CKAP5: variants seen among roughly 807,000 people sequenced by gnomAD.
The protein encoded by CKAP5 is cytoskeleton-associated protein 5.
In CKAP5, 27 loss-of-function variants were observed where a neutral mutation model predicts 232.8. That is an observed-to-expected ratio of 0.12 (90% confidence interval 0.09 to 0.16). The LOEUF is 0.16. Ranked by LOEUF, CKAP5 falls within the 10% of genes least tolerant of loss-of-function variation. The probability of loss-of-function intolerance (pLI) is 1.00; values close to 1 mark genes in which losing one functional copy is unlikely to be tolerated. For synonymous variants in CKAP5, 785 were observed against 841.1 expected, an observed-to-expected ratio of 0.93 and a Z score of 1.16; for missense variants, 1,838 against 2,424.7, an observed-to-expected ratio of 0.76 and a Z score of 5.08.
At chr11:46,782,510 A>G (rs1380247225) in intron 18 of CKAP5, among the ~76,000 whole-genome samples, 1 of 152,160 alleles carries the variant, frequency 6.6e-6, no homozygotes, top group African/African-American at 2.4e-5. Flanking sequence ...GTGTTTTTTC[A>G]ATCAGTAGAA....
At chr11:46,834,942 C>T (rs2134714279) in intron 1 of CKAP5, among the ~76,000 whole-genome samples, 1 of 151,462 alleles carries the variant, frequency 6.6e-6, no homozygotes, top group South Asian at 2.1e-4. Context: ...AGTAGCTGGG[C>T]CACAGGCATG....
At chr11:46,782,967 C>A (rs981767918) in intron 18 of CKAP5, among the ~76,000 whole-genome samples, 3 of 152,108 alleles carry the variant, frequency 2.0e-5, no homozygotes, top group African/African-American at 7.2e-5. Flanking sequence ...GGTCTTTAAA[C>A]AAATGTAATT....
In CKAP5 at chr11:46,809,500, C is replaced by T. The variant is rs200668108; in HGVS notation, c.764G>A (p.Gly255Asp). The T allele has an allele frequency of 1.7e-4, 280 of 1,603,622 alleles. No homozygotes were observed. The highest frequency in any genetic ancestry group is 6.0e-4 in the South Asian group (54 of 89,768). The change falls in exon 7 of 44, where the codon GGT becomes GAT. Residue 255 changes from glycine (G) to aspartate (D), a missense_variant and splice_region_variant. Around this residue, in one of 6 missense-constraint regions of CKAP5, gnomAD observed 285 missense variants for 300.0 expected, o/e 0.95. Coordinates refer to ENST00000529230, the MANE Select transcript of CKAP5 (RefSeq NM_001008938.4). ...TGGCACCTCATCACCATCATCACCA[C>T]CTTTAAGGAGAAAAACAACACAAAC... ...QQSAGGDAEG[G>D]GDDGDEVPQI...
intron 4 of CKAP5, among the ~76,000 whole-genome samples, chr11:46,811,669 G>A (rs935738509): frequency 3.3e-5 from 5 of 152,128 alleles, no homozygotes; most frequent in Admixed American, 6.5e-5. Flanking sequence ...TAGAGATGGG[G>A]TTTCACTATG....
chr11:46,774,390 T>C (rs2065274430), intron 24 of CKAP5, among the ~76,000 whole-genome samples: 1 of 152,174 alleles, frequency 6.6e-6, no homozygotes, highest in Non-Finnish European at 1.5e-5. Flanking sequence ...GAAGAATCAA[T>C]ATCATGAAAA....
chr11:46,795,828 C>A (rs1938859267), intron 12 of CKAP5, 52 bp from the exon 13 acceptor site: 1 of 1,438,036 alleles, frequency 7.0e-7, no homozygotes, highest in South Asian at 1.2e-5. Flanking sequence ...TGAAACACAA[C>A]CACTACGTTA....
At chr11:46,817,218 G>A (rs1242259604) in intron 3 of CKAP5, among the ~76,000 whole-genome samples, 2 of 152,044 alleles carry the variant, frequency 1.3e-5, no homozygotes, top group Non-Finnish European at 2.9e-5. Flanking sequence ...GGGCTCAAGC[G>A]ATCTTCCTGC....
intron 1 of CKAP5, among the ~76,000 whole-genome samples, chr11:46,822,985 C>A (rs1206516769): frequency 6.6e-6 from 1 of 151,794 alleles, no homozygotes; most frequent in Admixed American, 6.6e-5. Context: ...TTTGAGACAG[C>A]GTCTTGCTCT....
intron 5 of CKAP5, 67 bp from the exon 6 acceptor site, chr11:46,809,941 T>C (rs1440992004): frequency 6.9e-7 from 1 of 1,455,344 alleles, no homozygotes; most frequent in Non-Finnish European, 9.4e-7. Flanking sequence ...ACTTAATACT[T>C]ACATTTATTG....
intron 33 of CKAP5, chr11:46,760,237 C>T: frequency 9.0e-6 from 3 of 334,200 alleles, no homozygotes; most frequent in Non-Finnish European, 1.2e-5. Flanking sequence ...TTATGGACAC[C>T]CTCTACCCTG....
intron 8 of CKAP5, among the ~76,000 whole-genome samples, chr11:46,805,333 A>G (rs1398720510): frequency 6.6e-6 from 1 of 152,220 alleles, no homozygotes; most frequent in Non-Finnish European, 1.5e-5. Context: ...TGACAACTCA[A>G]AACAGTTTAA....
In CKAP5 at chr11:46,816,260, G is replaced by C. The variant is rs1207001286; in HGVS notation, c.396C>G (p.Gly132=). The C allele has an allele frequency of 1.2e-5, 20 of 1,614,030 alleles. No individual in the cohort carries two copies. Among genetic ancestry groups the C allele is most frequent in the Non-Finnish European group, 1.6e-5 (19 of 1,180,034 alleles). The change falls in exon 4 of 44, where the codon GGC becomes GGG. Residue 132 remains glycine, a synonymous_variant. Transcript: ENST00000529230. ...GEAVQEELLK[G]LDNKNPKIIV... ...TGATCTTGGGATTCTTATTGTCCAA[G>C]CCTTTCAGGAGCTCTTCTTGAACAG... is the stretch of plus-strand genomic sequence containing the variant.
At chr11:46,785,991 T>A (rs2134631804) in intron 16 of CKAP5, among the ~76,000 whole-genome samples, 1 of 151,760 alleles carries the variant, frequency 6.6e-6, no homozygotes, top group East Asian at 1.9e-4. Flanking sequence ...AAAATAAAAA[T>A]TTAAAAAATT....
chr11:46,822,255 T>C (rs1161616196), intron 1 of CKAP5, among the ~76,000 whole-genome samples: 1 of 152,100 alleles, frequency 6.6e-6, no homozygotes, highest in Non-Finnish European at 1.5e-5. Flanking sequence ...CACTCCAGCA[T>C]GGGCAACAGA....
intron 9 of CKAP5, among the ~76,000 whole-genome samples, chr11:46,800,845 T>C (rs1301271766): frequency 6.6e-6 from 1 of 152,216 alleles, no homozygotes; most frequent in Non-Finnish European, 1.5e-5. Flanking sequence ...CTCATTTTCA[T>C]TCTGGTCCTG....
chr11:46,842,912 A>G (rs1244882972), intron 1 of CKAP5, among the ~76,000 whole-genome samples: 1 of 142,434 alleles, frequency 7.0e-6, no homozygotes, highest in African/African-American at 2.6e-5. Context: ...GCTTGCAGTG[A>G]GCCGAGATCG....
chr11:46,754,847 G>C, intron 36 of CKAP5, 41 bp downstream of exon 36: 2 of 1,568,904 alleles, frequency 1.3e-6, no homozygotes, highest in South Asian at 1.2e-5. Flanking sequence ...TGTAGGCTGA[G>C]AGATTGATGG....
At chr11:46,750,750 T>C (rs534333686) in intron 40 of CKAP5, 139 bp from the exon 41 acceptor site, 2 of 660,490 alleles carry the variant, frequency 3.0e-6, no homozygotes, top group African/African-American at 1.8e-5. Context: ...GCACCGATGA[T>C]GCAGGTCTTG....
intron 1 of CKAP5, among the ~76,000 whole-genome samples, chr11:46,823,786 A>C (rs972948301): frequency 6.6e-6 from 1 of 151,992 alleles, no homozygotes; most frequent in African/African-American, 2.4e-5. Flanking sequence ...ATGCCCAACT[A>C]ATTTTTTAGT....
Sources: allele counts gnomAD v4.1 joint callset (sites outside exome capture counted in the v4.1 genomes callset), GRCh38; gene constraint gnomAD v4.1.1; regional missense constraint gnomAD v4.1.1; transcripts MANE v1.5; gene names NCBI Gene and HGNC (gene_info 2026-07-23, HGNC 2026-07-21).